The following SOX5 variants were observed in gnomAD, a reference collection of about 807,000 sequenced individuals.
SOX5 encodes transcription factor SOX-5.
SOX5 carries 9 observed loss-of-function variants against 92.0 expected under a neutral mutation model. The ratio of observed to expected loss-of-function variants is 0.10; its 90% CI spans 0.06 to 0.17. The LOEUF is 0.17. Ranked by LOEUF, SOX5 falls within the 10% of genes least tolerant of loss-of-function variation. The pLI, the probability that SOX5 is intolerant of heterozygous loss-of-function variation, is 1.00. For missense variants in SOX5, 642 were observed against 944.5 expected (o/e 0.68, Z 4.20); for synonymous variants, 344 against 336.3 (o/e 1.02, Z -0.25).
chr12:23,605,972 C>T (rs1355213810), intron 8 of SOX5, among the ~76,000 whole-genome samples: 1 of 151,830 alleles, frequency 6.6e-6, no homozygotes, highest in Non-Finnish European at 1.5e-5. Context: ...CTTACCCCAG[C>T]CAACTGGAAA....
chr12:24,469,407 T>C (rs1188802240), intron 1 of SOX5, among the ~76,000 whole-genome samples: 1 of 152,210 alleles, frequency 6.6e-6, no homozygotes, highest in Non-Finnish European at 1.5e-5. Flanking sequence ...CCTTGGTTCC[T>C]GATTCATATT....
Position 23,828,456 on chromosome 12 carries a change from C to T in SOX5, c.481+17527G>A, listed in dbSNP as rs942727438. ...ATAACACACATGAATTGGGAATAAA[C>T]TGCACAAACTCAGAGGTCAGTGTTT... On this transcript the variant is annotated intron_variant, in intron 3 of 14. Transcript: ENST00000451604. 5.9e-5 allele frequency among the ~76,000 whole-genome samples: 9 copies of T among 152,220 alleles called. 1 individual carries two copies. The highest frequency in any genetic ancestry group is 4.1e-4 in the South Asian group (2 of 4,822).
intron 6 of SOX5, among the ~76,000 whole-genome samples, chr12:23,667,282 G>A (rs1297326265): frequency 2.0e-5 from 3 of 151,874 alleles, no homozygotes; most frequent in African/African-American, 7.3e-5. Flanking sequence ...TTGTTATGGT[G>A]GTTTTTATCT....
intron 4 of SOX5, among the ~76,000 whole-genome samples, chr12:24,022,428 C>T (rs1954401642): frequency 1.3e-5 from 2 of 152,212 alleles, no homozygotes; most frequent in Middle Eastern, 3.4e-3. Context: ...AAAAAAGCAG[C>T]CTTGTAGGCC....
intron 10 of SOX5, among the ~76,000 whole-genome samples, chr12:23,565,507 C>T (rs994306381): frequency 6.6e-6 from 1 of 152,118 alleles, no homozygotes; most frequent in Admixed American, 6.5e-5. Context: ...TGGCTTGGCA[C>T]ATGGCACTGA....
upstream of SOX5, among the ~76,000 whole-genome samples, chr12:23,955,530 T>A (rs1946188697): frequency 6.6e-6 from 1 of 152,338 alleles, no homozygotes; most frequent in East Asian, 1.9e-4. Flanking sequence ...ACGGAATTTC[T>A]GTCTTATAGA....
At chr12:23,593,820 A>G (rs1951931135) in intron 9 of SOX5, among the ~76,000 whole-genome samples, 1 of 152,106 alleles carries the variant, frequency 6.6e-6, no homozygotes, top group Non-Finnish European at 1.5e-5. Flanking sequence ...TTTAAAAAGC[A>G]TATACTAACT....
At chr12:24,097,443 T>A (rs1352653167) in intron 4 of SOX5, among the ~76,000 whole-genome samples, 1 of 152,136 alleles carries the variant, frequency 6.6e-6, no homozygotes, top group African/African-American at 2.4e-5. Context: ...AACTGCACAA[T>A]TCAAGGTCAT....
intron 1 of SOX5, among the ~76,000 whole-genome samples, chr12:23,929,150 CAA>C (rs1940801591): frequency 6.6e-6 from 1 of 151,692 alleles, no homozygotes; most frequent in Admixed American, 6.6e-5. Context: ...AATTATCTCA[CAA>C]AGAGCAACTC....
chr12:24,050,270 C>T (rs1021489403), intron 4 of SOX5, among the ~76,000 whole-genome samples: 2 of 151,904 alleles, frequency 1.3e-5, no homozygotes, highest in African/African-American at 4.8e-5. Flanking sequence ...TTAAAAAATG[C>T]TAGGTTTTTC....
chr12:23,982,494 G>C (rs778229034), intron 4 of SOX5, among the ~76,000 whole-genome samples: 12 of 152,098 alleles, frequency 7.9e-5, no homozygotes, highest in Non-Finnish European at 1.8e-4. Flanking sequence ...ATGTTCTGCT[G>C]GGATACACTG....
intron 4 of SOX5, among the ~76,000 whole-genome samples, chr12:24,189,769 C>T (rs1594090863): frequency 6.6e-6 from 1 of 152,028 alleles, no homozygotes; most frequent in East Asian, 1.9e-4. Flanking sequence ...TATTTTTGTC[C>T]TATGAAAATT....
intron 1 of SOX5, among the ~76,000 whole-genome samples, chr12:24,462,039 C>T (rs1183820205): frequency 6.6e-6 from 1 of 152,154 alleles, no homozygotes; most frequent in African/African-American, 2.4e-5. Context: ...TGCAGTGATA[C>T]AATGTACAAT....
intron 4 of SOX5, among the ~76,000 whole-genome samples, chr12:24,141,828 C>T (rs1213964053): frequency 6.6e-6 from 1 of 152,088 alleles, no homozygotes; most frequent in Non-Finnish European, 1.5e-5. Flanking sequence ...GGCAAGTTGG[C>T]ATAGTTTTTA....
intron 3 of SOX5, among the ~76,000 whole-genome samples, chr12:23,766,454 TC>T (rs1225095493): frequency 2.6e-4 from 39 of 152,228 alleles, no homozygotes; most frequent in Admixed American, 1.8e-3. Flanking sequence ...TCCAGGGCAA[TC>T]AGAGAGTATG....
chr12:24,226,600 A>G (rs1962049171), intron 3 of SOX5, among the ~76,000 whole-genome samples: 1 of 152,064 alleles, frequency 6.6e-6, no homozygotes, highest in Admixed American at 6.6e-5. Flanking sequence ...CCTCTGGAGT[A>G]ACTGGGATTA....
chr12:23,540,384 TAATAATAA>T (rs1304270792), intron 13 of SOX5, among the ~76,000 whole-genome samples: 2,589 of 147,686 alleles, frequency 0.018, 99 homozygotes, highest in African/African-American at 0.06. Flanking sequence ...ATAATAATAA[TAATAATAA>T]TAATAATAAT....
chr12:23,670,777 T>C (rs1169366417), intron 6 of SOX5, among the ~76,000 whole-genome samples: 3 of 144,984 alleles, frequency 2.1e-5, no homozygotes, highest in Non-Finnish European at 3.0e-5. Context: ...AAGTTCTCGA[T>C]GGTTATTGTG....
At chr12:23,725,168 G>A (rs997881897) in intron 6 of SOX5, among the ~76,000 whole-genome samples, 2 of 152,160 alleles carry the variant, frequency 1.3e-5, no homozygotes, top group Admixed American at 1.3e-4. Context: ...GATAATTAAA[G>A]GATATGTTTT....
Sources: allele counts gnomAD v4.1 joint callset (sites outside exome capture counted in the v4.1 genomes callset), GRCh38; gene constraint gnomAD v4.1.1; transcripts MANE v1.5; gene names NCBI Gene and HGNC (gene_info 2026-07-23, HGNC 2026-07-21).